Variants in CCT4 observed in about 807,000 individuals in gnomAD.
CCT4 encodes the protein chaperonin containing TCP1 subunit 4, also known as T-complex protein 1 subunit delta.
Under a neutral mutation model 62.5 loss-of-function variants are expected in CCT4, and 17 were observed. That is an observed-to-expected ratio of 0.27 (90% CI 0.19 to 0.41). The LOEUF (loss-of-function observed/expected upper bound fraction) is 0.41, where lower values mean the gene tolerates loss of function less well. Ranked by LOEUF, CCT4 falls within the 10% of genes least tolerant of loss-of-function variation. The pLI is 1.00. For synonymous variants in CCT4, 250 were observed against 229.9 expected (o/e 1.09, Z -0.79); for missense variants, 592 against 659.2 (o/e 0.90, Z 1.12).
intron 12 of CCT4, among the ~76,000 whole-genome samples, chr2:61,870,180 G>C (rs1668854279): frequency 6.6e-6 from 1 of 151,800 alleles, no homozygotes. Flanking sequence ...AGGAGGCTGA[G>C]GCAGAAGAAT....
At chr2:61,883,773 G>GACACACACACACAC (rs59031193) in intron 2 of CCT4, among the ~76,000 whole-genome samples, 1 of 143,838 alleles carries the variant, frequency 7.0e-6, no homozygotes, top group African/African-American at 2.6e-5. Context: ...AAGAAATGTA[G>GACACACACACACAC]ACACACACAC....
chr2:61,883,335 T>C (rs1669157437), intron 3 of CCT4, 124 bp downstream of exon 3: 3 of 562,146 alleles, frequency 5.3e-6, no homozygotes, highest in Non-Finnish European at 9.2e-6. Flanking sequence ...GCAGGAGAAA[T>C]GAATCTGGGA....
At chr2:61,871,493 A>G (rs1004625242) in intron 12 of CCT4, among the ~76,000 whole-genome samples, 1 of 152,130 alleles carries the variant, frequency 6.6e-6, no homozygotes, top group African/African-American at 2.4e-5. Flanking sequence ...CCTACCAACC[A>G]AAAGTGCATC....
chr2:61,888,332 C>G (rs918887933), intron 1 of CCT4, 49 bp downstream of exon 1: 3 of 1,583,122 alleles, frequency 1.9e-6, no homozygotes, highest in South Asian at 1.1e-5. Context: ...ACGATGAGAG[C>G]GCAGAGCACA....
intron 11 of CCT4, 64 bp from the exon 12 acceptor site, chr2:61,872,380 C>T (rs1046231054): frequency 7.1e-7 from 1 of 1,413,354 alleles, no homozygotes; most frequent in Admixed American, 2.3e-5. Context: ...TAATAATTTG[C>T]TATTTATATC....
intron 8 of CCT4, among the ~76,000 whole-genome samples, chr2:61,875,883 G>A (rs959433067): frequency 1.3e-5 from 2 of 151,736 alleles, no homozygotes; most frequent in Non-Finnish European, 2.9e-5. Flanking sequence ...TTTTCCCTTG[G>A]TCTGAGCAAA....
chr2:61,885,190 C>T (rs188787028), intron 1 of CCT4, 118 bp from the exon 2 acceptor site: 12 of 606,610 alleles, frequency 2.0e-5, no homozygotes, highest in African/African-American at 2.0e-4. Flanking sequence ...AACCCTCCCA[C>T]CTCAGCCTCC....
At chr2:61,888,316 A>T in intron 1 of CCT4, 65 bp downstream of exon 1, 1 of 1,561,384 alleles carries the variant, frequency 6.4e-7, no homozygotes, top group Non-Finnish European at 8.7e-7. Flanking sequence ...AAACCCGCTC[A>T]AGCCCACGAT....
At chr2:61,887,749 G>A (rs373138541) in intron 1 of CCT4, among the ~76,000 whole-genome samples, 2 of 152,148 alleles carry the variant, frequency 1.3e-5, no homozygotes, top group African/African-American at 2.4e-5. Context: ...GATTTCCAAC[G>A]TGTGCCACAC....
At chr2:61,879,049 G>A (rs1212419068) in intron 4 of CCT4, 38 bp from the exon 5 acceptor site, 1 of 1,491,338 alleles carries the variant, frequency 6.7e-7, no homozygotes, top group Non-Finnish European at 9.1e-7. Flanking sequence ...AATTGTAACA[G>A]GTAAACTACA....
Position 61,876,218 on chromosome 2 carries a change from A to C in CCT4, c.794T>G (p.Val265Gly). 1 of 1,604,666 alleles carries C rather than the reference A, an allele frequency of 6.2e-7. No individual in the cohort carries two copies. Among genetic ancestry groups the C allele is most frequent in the Non-Finnish European group, 8.5e-7 (1 of 1,175,470 alleles). ...GTCCATCTGGGCATAGTCAGAAACCACTATTTGATTATCCATCTGTTCAGA... is the reference window on the plus strand; with the variant it reads ...GTCCATCTGGGCATAGTCAGAAACCCCTATTTGATTATCCATCTGTTCAGA... The part of the protein sequence containing the change: ...APKTDMDNQI[V>G]VSDYAQMDRV... The change falls in exon 8 of 14, where the codon GTG becomes GGG. Residue 265 changes from valine (V) to glycine (G), a missense_variant. Physicochemically the swap from Val to Gly is moderately radical, Grantham distance 109. Transcript: ENST00000394440.
chr2:61,887,220 G>A (rs1406825075), intron 1 of CCT4, among the ~76,000 whole-genome samples: 1 of 152,208 alleles, frequency 6.6e-6, no homozygotes, highest in Middle Eastern at 3.4e-3. Flanking sequence ...AACTCATTAG[G>A]ACAAGTTAGA....
rs373585958 is a variant in CCT4 at position 61,883,610 on chromosome 2, T to C, written c.181-62A>G. On this transcript the variant is annotated intron_variant, in intron 2 of 13. Coordinates refer to ENST00000394440, the MANE Select transcript of CCT4 (RefSeq NM_006430.4). The stretch of plus-strand genomic sequence containing the variant: ...CACCTTAATAGTTTTATTAAACTTT[T>C]ACATTTCAAAATAGAGAAGTTAATT... 6.1e-6 allele frequency: 5 copies of C among 816,294 alleles called. No individual in the cohort carries two copies. The East Asian group carries it at 1.3e-4, about 22-fold the overall frequency. The allele number at this position is 816,294 out of a possible 1,614,324, so 50.6% of individuals were successfully genotyped here. A position where few individuals can be genotyped will look rare whatever the true frequency, so the allele number is the denominator to read the frequency against.
At position 61,869,357 on chromosome 2, in the gene CCT4, A is replaced by AAAC. The variant is rs562532673; in HGVS notation, c.1605+80_1605+82dup. 1.0e-3 allele frequency: 818 copies of AAAC among 787,498 alleles called. 10 individuals carry two copies. The South Asian group carries it at 0.012, about 11-fold the overall frequency. 48.8% of individuals were successfully genotyped at this position (787,498 alleles called of 1,614,324 possible). A position where few individuals can be genotyped will look rare whatever the true frequency, so the allele number is the denominator to read the frequency against. ...TCTCAAAAAAACCAACCAACCAACCAAACAACAACAACAACAAAAAACCTT... is the reference window on the plus strand; with the variant it reads ...TCTCAAAAAAACCAACCAACCAACCAAACAACAACAACAACAACAAAAAACCTT... On this transcript the variant is annotated intron_variant, in intron 13 of 13. Coordinates refer to ENST00000394440, the MANE Select transcript of CCT4 (RefSeq NM_006430.4).
In CCT4 at chr2:61,880,406, GA is replaced by G; in HGVS notation, c.271-13del. The G allele has an allele frequency of 6.7e-7, 1 of 1,491,718 alleles. No homozygotes were observed. The highest frequency in any genetic ancestry group is 9.3e-7 in the Non-Finnish European group (1 of 1,079,930). 92.4% of individuals were successfully genotyped at this position (1,491,718 alleles called of 1,614,324 possible). On this transcript the variant is annotated splice_polypyrimidine_tract_variant and intron_variant, in intron 3 of 13. Transcript: ENST00000394440. ...GACAGCTCCACCAGCTAAGTGAACA[GA>G]AAATGCCAAGTTGCTCAATGAGAAA...
At chr2:61,872,728 C>T (rs1668909900) in intron 10 of CCT4, 140 bp from the exon 11 acceptor site, 1 of 770,148 alleles carries the variant, frequency 1.3e-6, no homozygotes, top group Non-Finnish European at 2.1e-6. Context: ...GAGATCGAGA[C>T]CATCCTGACT....
At position 61,888,633 on chromosome 2, in the gene CCT4, C is replaced by G. The variant is rs1038674905; in HGVS notation, c.-126G>C. On this transcript the variant is annotated 5_prime_UTR_variant, in exon 1 of 14. Transcript: ENST00000394440. ...ACCTTCCAGAAAGCGGCGCCGGCGT[C>G]GGGAGGAGGCGGAGGCGGAGAAGGG... is the stretch of plus-strand genomic sequence containing the variant. The G allele has an allele frequency of 8.6e-7, 1 of 1,169,576 alleles. No homozygotes were observed. The highest frequency in any genetic ancestry group is 1.6e-5 in the African/African-American group (1 of 63,560). The allele number at this position is 1,169,576 out of a possible 1,614,324, so 72.4% of individuals were successfully genotyped here. A position where few individuals can be genotyped will look rare whatever the true frequency, so the allele number is the denominator to read the frequency against.
At chr2:61,885,523 G>C (rs1004103149) in intron 1 of CCT4, among the ~76,000 whole-genome samples, 7 of 151,960 alleles carry the variant, frequency 4.6e-5, no homozygotes, top group Admixed American at 1.3e-4. Context: ...TGATTCTTCC[G>C]CCTCAGCCTC....
At chr2:61,880,722 T>C (rs539222374) in intron 3 of CCT4, among the ~76,000 whole-genome samples, 5 of 152,182 alleles carry the variant, frequency 3.3e-5, no homozygotes, top group Admixed American at 1.3e-4. Flanking sequence ...ACTTTTTTTT[T>C]TGAGACAGGG....
Sources: allele counts gnomAD v4.1 joint callset (sites outside exome capture counted in the v4.1 genomes callset), GRCh38; gene constraint gnomAD v4.1.1; transcripts MANE v1.5; gene names NCBI Gene and HGNC (gene_info 2026-07-23, HGNC 2026-07-21).